Variants in KCNIP4 observed in about 807,000 individuals in gnomAD.
KCNIP4 encodes the protein Kv channel-interacting protein 4.
In KCNIP4, 12 loss-of-function variants were observed where a neutral mutation model predicts 34.0. The ratio of observed to expected loss-of-function variants is 0.35; its 90% CI spans 0.23 to 0.57. The LOEUF is 0.57. Among genes scored for constraint, KCNIP4 ranks in the 20% least tolerant of loss-of-function variants. The pLI is 0.83. For synonymous variants in KCNIP4, 124 were observed against 102.2 expected (o/e 1.21, Z -1.29); for missense variants, 238 against 311.7 (o/e 0.76, Z 1.78).
At chr4:21,124,070 T>C (rs1479839658) in intron 1 of KCNIP4, among the ~76,000 whole-genome samples, 2 of 151,902 alleles carry the variant, frequency 1.3e-5, no homozygotes, top group Non-Finnish European at 2.9e-5. Flanking sequence ...AAAAAACCTA[T>C]ATTTTCTTTA....
At chr4:21,876,193 A>G (rs1389560825) in intron 1 of KCNIP4, among the ~76,000 whole-genome samples, 3 of 152,200 alleles carry the variant, frequency 2.0e-5, no homozygotes, top group Admixed American at 6.5e-5. Context: ...ATTAACTATC[A>G]ATATGTAGAA....
chr4:20,929,237 A>C (rs1730195619), intron 1 of KCNIP4, among the ~76,000 whole-genome samples: 1 of 152,112 alleles, frequency 6.6e-6, no homozygotes, highest in Admixed American at 6.5e-5. Flanking sequence ...TACACGAATG[A>C]AACAATGTGA....
chr4:21,754,910 G>T (rs1275150462), intron 1 of KCNIP4, among the ~76,000 whole-genome samples: 1 of 152,120 alleles, frequency 6.6e-6, no homozygotes. Context: ...ATTTTTGGAG[G>T]CCGAGGTGGG....
intron 1 of KCNIP4, among the ~76,000 whole-genome samples, chr4:21,406,597 T>G (rs1191719094): frequency 6.6e-6 from 1 of 152,200 alleles, no homozygotes; most frequent in Non-Finnish European, 1.5e-5. Context: ...ATAATCCCAT[T>G]GCCTACATAA....
intron 1 of KCNIP4, among the ~76,000 whole-genome samples, chr4:21,265,669 A>T (rs995398090): frequency 3.3e-5 from 5 of 152,210 alleles, no homozygotes; most frequent in African/African-American, 1.2e-4. Context: ...CCTCTGAGGC[A>T]AAGAGATAGA....
chr4:21,928,112 A>ATG (rs1267825086), intron 1 of KCNIP4, among the ~76,000 whole-genome samples: 2 of 43,108 alleles, frequency 4.6e-5, no homozygotes, highest in African/African-American at 1.4e-4. Flanking sequence ...ATTAGACTAT[A>ATG]TATATATATA....
intron 1 of KCNIP4, among the ~76,000 whole-genome samples, chr4:21,125,994 G>A (rs1190147374): frequency 1.3e-5 from 2 of 151,934 alleles, no homozygotes; most frequent in African/African-American, 2.4e-5. Flanking sequence ...CTTTTTAGTC[G>A]TTACAGTGCA....
intron 1 of KCNIP4, among the ~76,000 whole-genome samples, chr4:21,709,218 A>T (rs1248835615): frequency 6.6e-6 from 1 of 152,142 alleles, no homozygotes; most frequent in Non-Finnish European, 1.5e-5. Flanking sequence ...AAATGTCCTG[A>T]CCTTCCCTTG....
chr4:21,599,925 A>G (rs1742964904), intron 1 of KCNIP4, among the ~76,000 whole-genome samples: 1 of 152,060 alleles, frequency 6.6e-6, no homozygotes, highest in Admixed American at 6.6e-5. Context: ...ACACAGCCCT[A>G]TTCTCAGGGA....
intron 1 of KCNIP4, among the ~76,000 whole-genome samples, chr4:21,623,992 A>G (rs955400722): frequency 1.3e-5 from 2 of 152,184 alleles, no homozygotes; most frequent in African/African-American, 2.4e-5. Context: ...TATATACTGT[A>G]TACATGCACA....
At chr4:21,354,059 G>T (rs1718304941) in intron 1 of KCNIP4, among the ~76,000 whole-genome samples, 1 of 152,098 alleles carries the variant, frequency 6.6e-6, no homozygotes, top group African/African-American at 2.4e-5. Flanking sequence ...AGCTTCATAA[G>T]TGTGGGAGAA....
chr4:21,377,851 C>G (rs943997991), intron 1 of KCNIP4, among the ~76,000 whole-genome samples: 1 of 152,188 alleles, frequency 6.6e-6, no homozygotes, highest in Non-Finnish European at 1.5e-5. Flanking sequence ...CCAAACTTCT[C>G]AACTCTAGTA....
Position 21,948,690 on chromosome 4 carries a change from T to A in KCNIP4, c.-59A>T. 6.3e-7 allele frequency: 1 copy of A among 1,579,590 alleles called. No individual in the cohort carries two copies. Among genetic ancestry groups the A allele is most frequent in the Non-Finnish European group, 8.6e-7 (1 of 1,160,536 alleles). ...AGAGTCCACCGGCCAGGGGCGTCTG[T>A]CCACGGGTCTGCACGGGAGCGCACC... On this transcript the variant is annotated 5_prime_UTR_variant, in exon 1 of 9. Transcript: ENST00000382152.
chr4:20,872,967 CCTCT>C (rs566533163), intron 2 of KCNIP4, among the ~76,000 whole-genome samples: 266 of 152,274 alleles, frequency 1.7e-3, no homozygotes, highest in African/African-American at 6.1e-3. Context: ...CATGGCCTTC[CCTCT>C]ATGTTCCTTA....
chr4:21,351,482 C>A (rs995733106), intron 1 of KCNIP4, among the ~76,000 whole-genome samples: 6 of 152,170 alleles, frequency 3.9e-5, no homozygotes, highest in Non-Finnish European at 7.3e-5. Flanking sequence ...CCTAGACATG[C>A]AGAACCATGA....
intron 1 of KCNIP4, among the ~76,000 whole-genome samples, chr4:21,923,831 G>C (rs968108217): frequency 2.0e-5 from 3 of 152,116 alleles, no homozygotes; most frequent in African/African-American, 4.8e-5. Flanking sequence ...CTCCTAACTA[G>C]ATTATTTGAT....
At chr4:20,730,214 C>CCATCAACCACCTCAACCACCTAT (rs1747670690) in intron 8 of KCNIP4, 85 bp from the exon 9 acceptor site, 22 of 1,452,562 alleles carry the variant, frequency 1.5e-5, no homozygotes, top group Non-Finnish European at 1.7e-5. Flanking sequence ...TTGCCTCCTC[C>CCATCAACCACCTCAACCACCTAT]CATCAACCAC....
At chr4:21,406,645 T>C (rs1300789660) in intron 1 of KCNIP4, among the ~76,000 whole-genome samples, 1 of 152,214 alleles carries the variant, frequency 6.6e-6, no homozygotes, top group African/African-American at 2.4e-5. Flanking sequence ...CTGATGTAAT[T>C]GAGTTTTGTG....
intron 1 of KCNIP4, among the ~76,000 whole-genome samples, chr4:21,381,023 G>T (rs991171725): frequency 6.6e-6 from 1 of 152,162 alleles, no homozygotes; most frequent in Non-Finnish European, 1.5e-5. Context: ...CAAAGCTCTT[G>T]TTTATTGCTA....
Sources: gnomAD v4.1 joint callset for allele counts (sites outside exome capture counted in the v4.1 genomes callset) on GRCh38, gnomAD v4.1.1 for gene constraint, MANE v1.5 for transcripts, NCBI Gene and HGNC (gene_info 2026-07-23, HGNC 2026-07-21) for gene names.